Variants in ZNF182 observed in about 807,000 individuals in gnomAD.
The protein encoded by ZNF182 is zinc finger protein 21 (KOX 14).
A neutral mutation model predicts 28.1 loss-of-function variants in ZNF182; 10 were observed. That is an observed-to-expected ratio of 0.36 (90% CI 0.22 to 0.60). ZNF182 has a LOEUF of 0.60. Among genes scored for constraint, ZNF182 ranks in the 20% least tolerant of loss-of-function variants. The pLI is 0.75. For synonymous variants in ZNF182, 156 were observed against 158.7 expected, an observed-to-expected ratio of 0.98 and a Z score of 0.13; for missense variants, 352 against 453.2, an observed-to-expected ratio of 0.78 and a Z score of 2.03.
chrX:47,983,066 T>C, intron 4 of ZNF182, 28 bp from the exon 5 acceptor site: 4 of 1,194,110 alleles, frequency 3.3e-6, no homozygotes, highest in Non-Finnish European at 4.5e-6. Context: ...CAGTGATACC[T>C]CCTTGGCTTT....
chrX:47,996,842 G>A (rs1441208022), intron 3 of ZNF182, among the ~76,000 whole-genome samples: 3 of 112,103 alleles, frequency 2.7e-5, no homozygotes, highest in African/African-American at 9.7e-5. Flanking sequence ...GGAGGGCACA[G>A]CAAGAAGGTG....
intron 3 of ZNF182, among the ~76,000 whole-genome samples, chrX:47,998,854 C>CAAA (rs57757084): frequency 5.3e-5 from 3 of 56,878 alleles, no homozygotes; most frequent in African/African-American, 1.8e-4. Flanking sequence ...GACTCCGTCT[C>CAAA]AAAAAAAAAA....
At chrX:47,997,303 A>G (rs2058962186) in intron 3 of ZNF182, among the ~76,000 whole-genome samples, 1 of 101,809 alleles carries the variant, frequency 9.8e-6, no homozygotes, top group Non-Finnish European at 2.0e-5. Flanking sequence ...TGGGTGAGAG[A>G]GGGAGATCCT....
chrX:47,981,046 C>T (rs1349227963), intron 5 of ZNF182, among the ~76,000 whole-genome samples: 1 of 111,707 alleles, frequency 9.0e-6, no homozygotes, highest in Non-Finnish European at 1.9e-5. Flanking sequence ...AATTAAAAAC[C>T]TTTAAGCGCA....
rs35766283 is a variant in ZNF182, at chrX:47,997,316, T to TAA, written c.15+5277_15+5278dup. Among the ~76,000 whole-genome samples, 30 of 65,540 alleles carry TAA rather than the reference T, an allele frequency of 4.6e-4. 1 individual carries two copies. Among genetic ancestry groups the TAA allele is most frequent in the Non-Finnish European group, 5.5e-4 (19 of 34,308 alleles). The allele number at this position is 65,540 out of a possible 115,157, so 56.9% of individuals were successfully genotyped here. The stretch of plus-strand genomic sequence containing the variant: ...CCTGGGTGAGAGAGGGAGATCCTGC[T>TAA]AAAAAAAAAAAAAAAACACAACATA... On this transcript the variant is annotated intron_variant, in intron 3 of 5. Coordinates refer to ENST00000376943, the MANE Select transcript of ZNF182 (RefSeq NM_001007088.2).
Position 47,977,702 on chromosome X carries a change from T to C in ZNF182, c.328A>G (p.Ile110Val), listed in dbSNP as rs1556898530. 14 of 1,209,371 alleles carry C rather than the reference T, an allele frequency of 1.2e-5. No homozygotes were observed. The highest frequency in any genetic ancestry group is 1.8e-5 in the South Asian group (1 of 56,324). The change falls in exon 6 of 6, where the codon ATT becomes GTT. Residue 110 changes from isoleucine to valine, a missense_variant. Physicochemically the swap from Ile to Val is conservative, Grantham distance 29 (BLOSUM62 3). Transcript: ENST00000376943. The stretch of plus-strand genomic sequence containing the variant: ...CAGTCACGAGCACTCTTGGTGATAA[T>C]TGTTTTCTTGTCAGAAAATCCAACT... ...MQVGFSDKKT[I>V]ITKSARDCHE...
intron 4 of ZNF182, 75 bp from the exon 5 acceptor site, chrX:47,983,113 G>T: frequency 9.0e-7 from 1 of 1,113,970 alleles, no homozygotes; most frequent in Non-Finnish European, 1.2e-6. Flanking sequence ...CATATTGGGG[G>T]CAGCACAAGG....
chrX:47,992,778 C>T (rs1556900608), intron 3 of ZNF182, among the ~76,000 whole-genome samples: 1 of 111,473 alleles, frequency 9.0e-6, no homozygotes, highest in East Asian at 2.8e-4. Flanking sequence ...CCCACACACC[C>T]AAACCTAACT....
At chrX:48,002,190 A>G (rs1332754323) in intron 3 of ZNF182, among the ~76,000 whole-genome samples, 2 of 112,143 alleles carry the variant, frequency 1.8e-5, no homozygotes, top group Non-Finnish European at 1.9e-5. Flanking sequence ...GCTGTAGCAC[A>G]TATCTGCAGG....
In ZNF182 at chrX:48,001,093, G is replaced by A. The variant is rs375197102; in HGVS notation, c.15+1502C>T. On this transcript the variant is annotated intron_variant, in intron 3 of 5. Transcript: ENST00000376943. ...AATTGGAACTCATACATTGCTAGGA[G>A]AAATGAAAAATGGTTCAACCACTCT... 6.3e-4 allele frequency among the ~76,000 whole-genome samples: 71 copies of A among 112,344 alleles called. 2 individuals are homozygous for A. The East Asian group carries it at 0.013, about 21-fold the overall frequency.
chrX:48,000,596 T>C (rs2058975681), intron 3 of ZNF182, among the ~76,000 whole-genome samples: 2 of 111,669 alleles, frequency 1.8e-5, no homozygotes, highest in South Asian at 7.3e-4. Flanking sequence ...GAATCATCTA[T>C]CTAAATGTAA....
chrX:47,989,010 A>G (rs782068974), intron 3 of ZNF182, among the ~76,000 whole-genome samples: 14 of 112,547 alleles, frequency 1.2e-4, no homozygotes, highest in African/African-American at 4.5e-4. Flanking sequence ...GAATGGGACA[A>G]TTATGTAACC....
intron 3 of ZNF182, 87 bp downstream of exon 3, chrX:48,002,508 A>G (rs782097410): frequency 2.6e-6 from 3 of 1,146,738 alleles, no homozygotes; most frequent in Non-Finnish European, 1.2e-6. Context: ...ATTTACAAAT[A>G]CTTTCCTATT....
At chrX:47,987,226 A>C (rs2058926277) in intron 3 of ZNF182, among the ~76,000 whole-genome samples, 1 of 112,401 alleles carries the variant, frequency 8.9e-6, no homozygotes, top group Non-Finnish European at 1.9e-5. Context: ...TAATGTTATT[A>C]GGCCTTAAGA....
intron 3 of ZNF182, among the ~76,000 whole-genome samples, chrX:47,992,777 C>T (rs2058946235): frequency 9.0e-6 from 1 of 111,341 alleles, no homozygotes; most frequent in South Asian, 3.8e-4. Context: ...CCCCACACAC[C>T]CAAACCTAAC....
chrX:47,996,257 G>T (rs781916047), intron 3 of ZNF182, among the ~76,000 whole-genome samples: 8 of 110,582 alleles, frequency 7.2e-5, no homozygotes, highest in Non-Finnish European at 1.5e-4. Context: ...AGATGGTAAG[G>T]TTCACACACT....
In ZNF182 at chrX:47,977,714, C is replaced by A. The variant is rs1556898533; in HGVS notation, c.316G>T (p.Asp106Tyr). Residue 106 changes from aspartate (D) to tyrosine (Y), a missense_variant, in exon 6 of 6, where the codon GAC (aspartate) becomes TAC (tyrosine). Asp to Tyr is a radical substitution (Grantham distance 160, BLOSUM62 -3). Transcript: ENST00000376943. ...CTCTTGGTGATAATTGTTTTCTTGTCAGAAAATCCAACTTGCATCAGCAGA... is the reference window on the plus strand; with the variant it reads ...CTCTTGGTGATAATTGTTTTCTTGTAAGAAAATCCAACTTGCATCAGCAGA... ...KCLLMQVGFS[D>Y]KKTIITKSAR... 3 of 1,207,922 alleles carry A rather than the reference C, an allele frequency of 2.5e-6. No homozygotes were observed. The highest frequency in any genetic ancestry group is 4.4e-5 in the Admixed American group (2 of 45,598).
chrX:47,981,113 A>G (rs1175023111), intron 5 of ZNF182, among the ~76,000 whole-genome samples: 1 of 112,630 alleles, frequency 8.9e-6, no homozygotes, highest in Non-Finnish European at 1.9e-5. Flanking sequence ...TAAAAAATGT[A>G]TACATAATAG....
At position 47,977,444 on chromosome X, in the gene ZNF182, G is replaced by C. The variant is rs1556898429; in HGVS notation, c.586C>G (p.Leu196Val). The C allele has an allele frequency of 8.3e-7, 1 of 1,209,926 alleles. No homozygotes were observed. The highest frequency in any genetic ancestry group is 1.7e-5 in the African/African-American group (1 of 57,259). The change falls in exon 6 of 6, where the codon CTT becomes GTT. Residue 196 changes from leucine (L) to valine (V), a missense_variant. Leu to Val is a conservative substitution (Grantham distance 32). Coordinates refer to ENST00000376943, the MANE Select transcript of ZNF182 (RefSeq NM_001007088.2). ...AGACTAAGGCCTTTCTTTCGCCTAA[G>C]ACCTTTCCCACACTCTTTATAGCCA... ...PYGYKECGKG[L>V]RRKKGLSLHQ...
Sources: gnomAD v4.1 joint callset for allele counts (sites outside exome capture counted in the v4.1 genomes callset) on GRCh38, gnomAD v4.1.1 for gene constraint, MANE v1.5 for transcripts, NCBI Gene and HGNC (gene_info 2026-07-23, HGNC 2026-07-21) for gene names.